The following PTPN12 variants were observed in gnomAD, a reference collection of about 807,000 sequenced individuals.
PTPN12 encodes the protein tyrosine-protein phosphatase non-receptor type 12.
PTPN12 carries 29 observed loss-of-function variants against 97.6 expected under a neutral mutation model. That is an observed-to-expected ratio of 0.30 (90% CI 0.22 to 0.41). PTPN12 has a LOEUF of 0.41. PTPN12 is among the 10% of genes least tolerant of loss of function. PTPN12 has a pLI of 1.00. For synonymous variants in PTPN12, 327 were observed against 300.4 expected, an observed-to-expected ratio of 1.09 and a Z score of -0.91; for missense variants, 819 against 926.0, an observed-to-expected ratio of 0.88 and a Z score of 1.50.
chr7:77,591,043 AAGAG>A (rs1307367554), intron 5 of PTPN12, among the ~76,000 whole-genome samples: 3 of 152,156 alleles, frequency 2.0e-5, no homozygotes, highest in Non-Finnish European at 4.4e-5. Flanking sequence ...TATCTAAAAA[AAGAG>A]AGAATTTAAT....
chr7:77,593,308 G>C (rs928569058), intron 6 of PTPN12, among the ~76,000 whole-genome samples: 1 of 151,962 alleles, frequency 6.6e-6, no homozygotes, highest in Non-Finnish European at 1.5e-5. Flanking sequence ...CCTATATTAG[G>C]GTTCTCCAGA....
At chr7:77,558,100 A>G (rs1584105523) in intron 1 of PTPN12, among the ~76,000 whole-genome samples, 1 of 150,790 alleles carries the variant, frequency 6.6e-6, no homozygotes, top group Non-Finnish European at 1.5e-5. Context: ...AATCCCAGCT[A>G]TTCGGGAGGC....
chr7:77,541,472 A>G (rs955745267), intron 1 of PTPN12, among the ~76,000 whole-genome samples: 2 of 152,168 alleles, frequency 1.3e-5, no homozygotes, highest in East Asian at 1.9e-4. Flanking sequence ...GCTGTTACAT[A>G]TAGTAATTCT....
At chr7:77,569,687 C>T (rs1424475470) in intron 1 of PTPN12, among the ~76,000 whole-genome samples, 2 of 152,270 alleles carry the variant, frequency 1.3e-5, no homozygotes, top group African/African-American at 4.8e-5. Flanking sequence ...ACAAGAATTG[C>T]TTGAACCTGG....
At chr7:77,578,571 C>T (rs957364634) in intron 2 of PTPN12, among the ~76,000 whole-genome samples, 1 of 152,146 alleles carries the variant, frequency 6.6e-6, no homozygotes, top group Non-Finnish European at 1.5e-5. Flanking sequence ...ATTAGCAGAA[C>T]TGGGCCTTTA....
At chr7:77,544,432 T>C (rs773922782) in intron 1 of PTPN12, among the ~76,000 whole-genome samples, 9 of 152,230 alleles carry the variant, frequency 5.9e-5, no homozygotes, top group Non-Finnish European at 1.2e-4. Flanking sequence ...AAGTGAACTT[T>C]TAAGTAACTC....
At chr7:77,620,071 C>T (rs113739909) in intron 12 of PTPN12, among the ~76,000 whole-genome samples, 7 of 152,052 alleles carry the variant, frequency 4.6e-5, no homozygotes, top group Non-Finnish European at 8.8e-5. Context: ...AACTACTGGC[C>T]CTAAAAAAAT....
intron 2 of PTPN12, among the ~76,000 whole-genome samples, chr7:77,575,873 A>G (rs1787326333): frequency 6.6e-6 from 1 of 151,774 alleles, no homozygotes; most frequent in South Asian, 2.1e-4. Flanking sequence ...TTTTTTTGAG[A>G]TGAAGTCTCA....
intron 11 of PTPN12, among the ~76,000 whole-genome samples, chr7:77,614,778 T>C (rs180955799): frequency 2.7e-4 from 41 of 152,310 alleles, no homozygotes; most frequent in African/African-American, 9.4e-4. Flanking sequence ...TTGAATGAAA[T>C]GACTTGAAAG....
chr7:77,564,758 T>TTC (rs1808178839), intron 1 of PTPN12, among the ~76,000 whole-genome samples: 3 of 97,802 alleles, frequency 3.1e-5, no homozygotes, highest in African/African-American at 1.2e-4. Context: ...TTTTTTTTTT[T>TTC]TTTTTTTTTT....
At chr7:77,572,098 CTT>C (rs35269832) in intron 2 of PTPN12, among the ~76,000 whole-genome samples, 88,790 of 133,126 alleles carry the variant, frequency 0.67, 29,141 homozygotes, top group East Asian at 0.87. Context: ...TTCTTGGTGA[CTT>C]TTTTTTTTTT....
At chr7:77,613,859 A>G (rs117541132) in intron 11 of PTPN12, among the ~76,000 whole-genome samples, 2,794 of 151,914 alleles carry the variant, frequency 0.018, 33 homozygotes, top group Middle Eastern at 0.071. Flanking sequence ...ATTATAGGCT[A>G]AAGTTCTTTT....
At chr7:77,548,758 A>G (rs1807340100) in intron 1 of PTPN12, among the ~76,000 whole-genome samples, 1 of 152,236 alleles carries the variant, frequency 6.6e-6, no homozygotes, top group Admixed American at 6.5e-5. Context: ...GCTTAAGTGA[A>G]GAAAGAATTT....
At chr7:77,638,027 G>A (rs1321857607) in intron 16 of PTPN12, among the ~76,000 whole-genome samples, 7 of 122,174 alleles carry the variant, frequency 5.7e-5, no homozygotes, top group Non-Finnish European at 9.5e-5. Context: ...GCGCGATCTC[G>A]GCTCACTGCA....
chr7:77,592,693 A>G (rs192425603), intron 6 of PTPN12, among the ~76,000 whole-genome samples: 3 of 152,320 alleles, frequency 2.0e-5, no homozygotes, highest in Admixed American at 2.0e-4. Context: ...AAGACCTACC[A>G]TACTGGAAGT....
chr7:77,552,113 G>T (rs1006485546), intron 1 of PTPN12, among the ~76,000 whole-genome samples: 1 of 152,136 alleles, frequency 6.6e-6, no homozygotes, highest in Non-Finnish European at 1.5e-5. Context: ...TTAGATAGAA[G>T]ATTATTAAAA....
At chr7:77,616,765 CAAT>C (rs1214271069) in intron 11 of PTPN12, among the ~76,000 whole-genome samples, 2 of 151,912 alleles carry the variant, frequency 1.3e-5, no homozygotes, top group Non-Finnish European at 2.9e-5. Context: ...AGCAGATGAT[CAAT>C]AATATGTTGG....
intron 1 of PTPN12, among the ~76,000 whole-genome samples, chr7:77,539,771 G>A (rs1337932733): frequency 6.6e-6 from 1 of 152,100 alleles, no homozygotes; most frequent in Non-Finnish European, 1.5e-5. Flanking sequence ...TGAGATTATA[G>A]GCACGTGCCA....
chr7:77,607,400 ATG>A, intron 9 of PTPN12, 99 bp downstream of exon 9: 3 of 907,738 alleles, frequency 3.3e-6, no homozygotes, highest in Non-Finnish European at 5.0e-6. Context: ...TTTATTATAC[ATG>A]TTATTTTTTC....
Sources: gnomAD v4.1 joint callset for allele counts (sites outside exome capture counted in the v4.1 genomes callset) on GRCh38, gnomAD v4.1.1 for gene constraint, MANE v1.5 for transcripts, NCBI Gene and HGNC (gene_info 2026-07-23, HGNC 2026-07-21) for gene names.